The following LRBA variants were observed in gnomAD, a reference collection of about 807,000 sequenced individuals.
LRBA encodes the protein lipopolysaccharide-responsive and beige-like anchor protein.
LRBA carries 176 observed loss-of-function variants against 330.0 expected under a neutral mutation model. The observed-to-expected ratio is 0.53, with a 90% CI of 0.47 to 0.60. LRBA has a LOEUF of 0.60. LRBA is among the 20% of genes least tolerant of loss of function. The pLI, the probability that LRBA is intolerant of heterozygous loss-of-function variation, is 0.00. For synonymous variants in LRBA, 1,230 were observed against 1,193.0 expected (o/e 1.03, Z -0.64); for missense variants, 3,259 against 3,444.8 (o/e 0.95, Z 1.35).
chr4:150,601,516 T>C (rs913889250), intron 37 of LRBA, among the ~76,000 whole-genome samples: 5 of 152,086 alleles, frequency 3.3e-5, no homozygotes, highest in African/African-American at 9.7e-5. Context: ...ATAATATTTA[T>C]TTTTATACCT....
chr4:150,557,346 A>G (rs1479240323), intron 40 of LRBA, among the ~76,000 whole-genome samples: 2 of 152,348 alleles, frequency 1.3e-5, no homozygotes, highest in Non-Finnish European at 2.9e-5. Flanking sequence ...AAGTTAAGGC[A>G]TAATGTCAAC....
chr4:150,543,671 T>C (rs949525113), intron 40 of LRBA, among the ~76,000 whole-genome samples: 10 of 152,204 alleles, frequency 6.6e-5, no homozygotes, highest in African/African-American at 2.2e-4. Context: ...ATGGTCATTA[T>C]ATTTATGATT....
intron 2 of LRBA, among the ~76,000 whole-genome samples, chr4:150,973,658 G>A (rs774109773): frequency 4.6e-5 from 7 of 152,162 alleles, no homozygotes; most frequent in African/African-American, 1.2e-4. Context: ...ATAAAAACTT[G>A]TGTGGATTTT....
intron 44 of LRBA, among the ~76,000 whole-genome samples, chr4:150,459,412 C>T (rs1000214361): frequency 3.9e-5 from 6 of 151,900 alleles, no homozygotes; most frequent in Non-Finnish European, 8.8e-5. Flanking sequence ...AATGTTCTTT[C>T]AGATTATACC....
intron 37 of LRBA, among the ~76,000 whole-genome samples, chr4:150,670,346 G>A (rs1561496595): frequency 6.6e-6 from 1 of 152,130 alleles, no homozygotes; most frequent in African/African-American, 2.4e-5. Flanking sequence ...TATTCTATGG[G>A]TTTTTAATCT....
intron 42 of LRBA, among the ~76,000 whole-genome samples, chr4:150,475,736 A>AC (rs1756635207): frequency 6.6e-6 from 1 of 151,846 alleles, no homozygotes; most frequent in South Asian, 2.1e-4. Flanking sequence ...CTCTATAAAA[A>AC]AAAAAAAAAA....
chr4:150,923,184 C>CAAAA (rs372277904), intron 4 of LRBA, among the ~76,000 whole-genome samples: 1 of 137,318 alleles, frequency 7.3e-6, no homozygotes. Flanking sequence ...ATCGTAAAGT[C>CAAAA]AAAAAAAAAA....
At position 150,415,527 on chromosome 4, in the gene LRBA, C is replaced by T; in HGVS notation, c.7105G>A (p.Gly2369Arg). 1 of 1,604,598 alleles carries T rather than the reference C, an allele frequency of 6.2e-7. No homozygotes were observed. The highest frequency in any genetic ancestry group is 1.1e-5 in the South Asian group (1 of 90,822). ...ACTACTGTCCCATCATCCATCACTCCAAGATTATAATTATTGAAGTTGACA... is the reference window on the plus strand; with the variant it reads ...ACTACTGTCCCATCATCCATCACTCTAAGATTATAATTATTGAAGTTGACA... The part of the protein sequence containing the change: ...MFVNFNNYNL[G>R]VMDDGTVVSD... Residue 2369 changes from glycine to arginine, a missense_variant, in exon 47 of 57, where the codon GGA (glycine) becomes AGA (arginine). Gly to Arg is a moderately radical substitution (Grantham distance 125). Coordinates refer to ENST00000651943, the MANE Select transcript of LRBA (RefSeq NM_001364905.1).
At chr4:150,981,161 C>T (rs1219097245) in intron 2 of LRBA, among the ~76,000 whole-genome samples, 2 of 151,290 alleles carry the variant, frequency 1.3e-5, no homozygotes, top group African/African-American at 4.9e-5. Flanking sequence ...CGCCTGTAAT[C>T]CCAGCACTTT....
chr4:150,963,019 TAAAAA>T (rs35571039), intron 2 of LRBA, among the ~76,000 whole-genome samples: 1 of 141,220 alleles, frequency 7.1e-6, no homozygotes, highest in Admixed American at 6.8e-5. Context: ...AGCTTTTTAT[TAAAAA>T]AAAAAACACC....
chr4:151,011,819 T>C (rs1207387078), intron 2 of LRBA, among the ~76,000 whole-genome samples: 1 of 151,740 alleles, frequency 6.6e-6, no homozygotes, highest in South Asian at 2.1e-4. Context: ...GGACCACAGG[T>C]ATATGCCACC....
intron 47 of LRBA, among the ~76,000 whole-genome samples, chr4:150,395,128 T>C (rs1482641325): frequency 6.6e-6 from 1 of 152,156 alleles, no homozygotes; most frequent in East Asian, 1.9e-4. Flanking sequence ...TATGCTAATA[T>C]TATCTATTAC....
chr4:150,992,338 GC>G (rs1742186904), intron 2 of LRBA, among the ~76,000 whole-genome samples: 1 of 149,978 alleles, frequency 6.7e-6, no homozygotes, highest in Non-Finnish European at 1.5e-5. Context: ...AAGGTAACGA[GC>G]ATGATGATGA....
intron 40 of LRBA, among the ~76,000 whole-genome samples, chr4:150,505,952 T>C (rs1446141639): frequency 1.3e-5 from 2 of 152,184 alleles, no homozygotes; most frequent in African/African-American, 4.8e-5. Context: ...TAAACAGCTC[T>C]ATGCAAATAA....
intron 36 of LRBA, among the ~76,000 whole-genome samples, chr4:150,684,769 T>C (rs1233748039): frequency 6.6e-6 from 1 of 152,134 alleles, no homozygotes; most frequent in African/African-American, 2.4e-5. Context: ...TATCCTTTGA[T>C]AGATAAGTAA....
intron 56 of LRBA, among the ~76,000 whole-genome samples, chr4:150,276,885 G>C (rs189453187): frequency 2.6e-5 from 4 of 152,262 alleles, no homozygotes; most frequent in Admixed American, 6.5e-5. Context: ...CAAGGATATA[G>C]AACCAGAAAT....
chr4:150,475,917 A>G (rs1756653623), intron 42 of LRBA, among the ~76,000 whole-genome samples: 1 of 152,030 alleles, frequency 6.6e-6, no homozygotes, highest in Admixed American at 6.6e-5. Flanking sequence ...CAAAAAAAAA[A>G]AAGAAAAATA....
chr4:150,353,495 C>A (rs1237085163), intron 47 of LRBA, among the ~76,000 whole-genome samples: 1 of 152,054 alleles, frequency 6.6e-6, no homozygotes, highest in African/African-American at 2.4e-5. Context: ...AAAACTAGGG[C>A]AATTTTATTT....
intron 2 of LRBA, chr4:150,970,553 G>GTA (rs1739443988): frequency 6.3e-5 from 2 of 31,940 alleles, no homozygotes; most frequent in East Asian, 2.9e-3. Flanking sequence ...GTGTGTGTGT[G>GTA]TGTACACACA....
Sources: allele counts gnomAD v4.1 joint callset (sites outside exome capture counted in the v4.1 genomes callset), GRCh38; gene constraint gnomAD v4.1.1; transcripts MANE v1.5; gene names NCBI Gene and HGNC (gene_info 2026-07-23, HGNC 2026-07-21).